TJP2: variants seen among roughly 807,000 people sequenced by gnomAD.
TJP2 encodes the protein Friedreich ataxia region gene X104 (tight junction protein ZO-2).
Under a neutral mutation model 133.1 loss-of-function variants are expected in TJP2, and 91 were observed. The observed-to-expected ratio is 0.68, with a 90% confidence interval of 0.58 to 0.81. The LOEUF is 0.81. Among genes scored for constraint, TJP2 ranks in the 40% least tolerant of loss-of-function variants. TJP2 has a pLI of 0.00. For synonymous variants in TJP2, 592 were observed against 583.4 expected (o/e 1.01, Z -0.21); for missense variants, 1,541 against 1,565.6 (o/e 0.98, Z 0.26).
intron 1 of TJP2, among the ~76,000 whole-genome samples, chr9:69,201,832 A>G (rs1054863421): frequency 2.0e-5 from 3 of 152,206 alleles, no homozygotes; most frequent in Non-Finnish European, 2.9e-5. Flanking sequence ...CCTTGAGGAC[A>G]TTATGCTATG....
At chr9:69,238,025 C>A in intron 15 of TJP2, 52 bp downstream of exon 15, 1 of 1,327,796 alleles carries the variant, frequency 7.5e-7, no homozygotes, top group South Asian at 1.2e-5. Context: ...TGAAAAATTT[C>A]TAACAGAGGA....
At chr9:69,251,460 T>C (rs533633139) in intron 21 of TJP2, 96 bp downstream of exon 21, 4 of 1,317,802 alleles carry the variant, frequency 3.0e-6, no homozygotes, top group Non-Finnish European at 4.2e-6. Context: ...GCTGCAGATG[T>C]GGCAGGGATG....
chr9:69,223,341 T>C (rs996981259), intron 5 of TJP2, among the ~76,000 whole-genome samples: 9 of 152,136 alleles, frequency 5.9e-5, no homozygotes, highest in African/African-American at 1.4e-4. Context: ...GGAGTCTCGC[T>C]CTTTCGCCCA....
Position 69,230,240 on chromosome 9 carries a change from C to G in TJP2, c.1671+8C>G. On this transcript the variant is annotated splice_region_variant and intron_variant, in intron 11 of 22. Coordinates refer to ENST00000377245, the MANE Select transcript of TJP2 (RefSeq NM_004817.4). ...GGAGACCAGATTCTGAAGGTAAGAA[C>G]AGCCCAGCTCTGTTTCTAGAAGTTA... 6 of 1,614,078 alleles carry G rather than the reference C, an allele frequency of 3.7e-6. No homozygotes were observed. The highest frequency in any genetic ancestry group is 5.1e-6 in the Non-Finnish European group (6 of 1,179,970).
chr9:69,248,006 C>A lies in TJP2; in HGVS notation c.2668-6C>A. 1 of 1,593,240 alleles carries A rather than the reference C, an allele frequency of 6.3e-7. No individual in the cohort carries two copies. The highest frequency in any genetic ancestry group is 1.1e-5 in the South Asian group (1 of 88,104). On this transcript the variant is annotated splice_region_variant and splice_polypyrimidine_tract_variant and intron_variant, in intron 18 of 22. Coordinates refer to ENST00000377245, the MANE Select transcript of TJP2 (RefSeq NM_004817.4). ...CCCACTGACCGTCCAACACAAATTC[C>A]TCTAGATGGAAGGGATGGATGATGA...
chr9:69,254,356 C>CCGGGACACAGAATTATAGATGTCTGAGCA lies in TJP2; in HGVS notation c.3559_*14dup. 1 of 1,614,194 alleles carries CCGGGACACAGAATTATAGATGTCTGAGCA rather than the reference C, an allele frequency of 6.2e-7. No individual in the cohort carries two copies. Among genetic ancestry groups the CCGGGACACAGAATTATAGATGTCTGAGCA allele is most frequent in the Non-Finnish European group, 8.5e-7 (1 of 1,180,040 alleles). ...GTTACTATGGCCAGTCTGCCCGATACCGGGACACAGAATTATAGATGTCTG... is the reference window on the plus strand; with the variant it reads ...GTTACTATGGCCAGTCTGCCCGATACCGGGACACAGAATTATAGATGTCTGAGCACGGGACACAGAATTATAGATGTCTG... On this transcript the variant is annotated stop_gained and frameshift_variant, in exon 23 of 23. Transcript: ENST00000377245. LOFTEE classifies it high-confidence loss of function.
At chr9:69,181,989 C>G (rs892129640) in intron 1 of TJP2, among the ~76,000 whole-genome samples, 2 of 152,152 alleles carry the variant, frequency 1.3e-5, no homozygotes, top group African/African-American at 4.8e-5. Context: ...TTCCTCTCCA[C>G]CCCCATGGAC....
intron 1 of TJP2, among the ~76,000 whole-genome samples, chr9:69,203,533 G>C (rs1564432886): frequency 6.6e-6 from 1 of 150,986 alleles, no homozygotes; most frequent in African/African-American, 2.4e-5. Context: ...TGAACTCCTG[G>C]CCTCAGGTGA....
At chr9:69,172,081 C>T (rs150806745), upstream of TJP2, among the ~76,000 whole-genome samples, 10,813 of 152,192 alleles carry the variant, frequency 0.071, 544 homozygotes, top group Non-Finnish European at 0.1. Flanking sequence ...AGGCATGAGC[C>T]ACCGCGCCCT....
rs564869144 is a variant in TJP2 at position 69,229,764 on chromosome 9, A to G, written c.1521-318A>G. Among the ~76,000 whole-genome samples the G allele has an allele frequency of 9.2e-5, 14 of 152,358 alleles. No homozygotes were observed. In the East Asian group the frequency reaches 2.7e-3, roughly 29 times the overall value. ...CTGTGTCTTTATTTGACAAGAATGC[A>G]GTGCAAGCGGGCCTTCCTTTGGAAG... On this transcript the variant is annotated intron_variant, in intron 10 of 22. Coordinates refer to ENST00000377245, the MANE Select transcript of TJP2 (RefSeq NM_004817.4).
At chr9:69,141,626 C>G (rs986625828) in intron 1 of TJP2, among the ~76,000 whole-genome samples, 4 of 152,212 alleles carry the variant, frequency 2.6e-5, no homozygotes, top group African/African-American at 9.7e-5. Flanking sequence ...GAGTCTCACT[C>G]TGTCACTCAG....
chr9:69,217,662 G>T (rs1828492792), intron 3 of TJP2, among the ~76,000 whole-genome samples: 1 of 152,072 alleles, frequency 6.6e-6, no homozygotes, highest in Non-Finnish European at 1.5e-5. Flanking sequence ...GTCCTTCCTG[G>T]GTGAGAGAGG....
At chr9:69,140,895 G>A (rs1426274358) in intron 1 of TJP2, among the ~76,000 whole-genome samples, 2 of 152,184 alleles carry the variant, frequency 1.3e-5, no homozygotes, top group Admixed American at 6.5e-5. Context: ...CGCCCAGGCT[G>A]GAGTGCAGTG....
At chr9:69,234,336 G>C in intron 11 of TJP2, 103 bp from the exon 12 acceptor site, 1 of 943,862 alleles carries the variant, frequency 1.1e-6, no homozygotes, top group Non-Finnish European at 1.6e-6. Flanking sequence ...ACAAACAAAA[G>C]GGTCAGTGGC....
chr9:69,234,370 TTTTCTTTC>T (rs548512481), intron 11 of TJP2, 61 bp from the exon 12 acceptor site: 640 of 1,117,776 alleles, frequency 5.7e-4, no homozygotes, highest in Admixed American at 2.7e-3. Context: ...CTTCTCTGTT[TTTTCTTTC>T]TTTCTTTCTT....
intron 1 of TJP2, among the ~76,000 whole-genome samples, chr9:69,180,095 A>G (rs553244197): frequency 6.6e-6 from 1 of 152,236 alleles, no homozygotes; most frequent in South Asian, 2.1e-4. Context: ...TATGCTCTAT[A>G]TTATAGATAC....
At chr9:69,243,730 T>C (rs886419125) in intron 17 of TJP2, among the ~76,000 whole-genome samples, 2 of 152,226 alleles carry the variant, frequency 1.3e-5, no homozygotes, top group Non-Finnish European at 1.5e-5. Flanking sequence ...GACTAGCTAG[T>C]TGACCACAGA....
At chr9:69,229,704 C>T (rs1829625205) in intron 10 of TJP2, among the ~76,000 whole-genome samples, 1 of 152,150 alleles carries the variant, frequency 6.6e-6, no homozygotes, top group Non-Finnish European at 1.5e-5. Context: ...GGGCAGCAGC[C>T]TCCTGGATTA....
intron 1 of TJP2, among the ~76,000 whole-genome samples, chr9:69,138,056 G>A (rs1166308015): frequency 6.6e-6 from 1 of 152,042 alleles, no homozygotes; most frequent in Non-Finnish European, 1.5e-5. Flanking sequence ...TGGCCTCATC[G>A]TTCTGCCTGT....
Sources: allele counts gnomAD v4.1 joint callset (sites outside exome capture counted in the v4.1 genomes callset), GRCh38; gene constraint gnomAD v4.1.1; transcripts MANE v1.5; gene names NCBI Gene and HGNC (gene_info 2026-07-23, HGNC 2026-07-21).